The following DNAH6 variants were observed in gnomAD, a reference collection of about 807,000 sequenced individuals.
The protein encoded by DNAH6 is dynein axonemal heavy chain 6, also known as axonemal beta dynein heavy chain 6.
DNAH6 carries 340 observed loss-of-function variants against 491.4 expected under a neutral mutation model. The observed-to-expected ratio is 0.69, with a 90% CI of 0.63 to 0.76. DNAH6 has a LOEUF of 0.76. Among genes scored for constraint, DNAH6 ranks in the 30% least tolerant of loss-of-function variants. The pLI, the probability that DNAH6 is intolerant of heterozygous loss-of-function variation, is 0.00. For synonymous variants in DNAH6, 1,603 were observed against 1,686.1 expected, an observed-to-expected ratio of 0.95 and a Z score of 1.21; for missense variants, 4,443 against 4,972.2, an observed-to-expected ratio of 0.89 and a Z score of 3.20.
intron 34 of DNAH6, 22 bp from the exon 35 acceptor site, chr2:84,654,638 G>A (rs1336533793): frequency 1.2e-5 from 19 of 1,550,080 alleles, no homozygotes; most frequent in East Asian, 2.4e-5. Context: ...GCTGTTTCCT[G>A]TTCAATTTTC....
At chr2:84,638,890 CAA>C (rs1235411216) in intron 31 of DNAH6, among the ~76,000 whole-genome samples, 5 of 152,026 alleles carry the variant, frequency 3.3e-5, no homozygotes, top group African/African-American at 1.2e-4. Flanking sequence ...AAAACAGAAA[CAA>C]GAGAGAAAGA....
intron 64 of DNAH6, among the ~76,000 whole-genome samples, chr2:84,763,859 A>T (rs1674827149): frequency 6.6e-6 from 1 of 152,040 alleles, no homozygotes; most frequent in Admixed American, 6.6e-5. Context: ...GAGCCAGGAG[A>T]GCTGATGGTA....
intron 30 of DNAH6, among the ~76,000 whole-genome samples, chr2:84,635,182 A>G (rs768461996): frequency 4.6e-5 from 7 of 152,186 alleles, no homozygotes; most frequent in Non-Finnish European, 8.8e-5. Flanking sequence ...AGGTGTCCTG[A>G]TAAGAGTTGT....
intron 40 of DNAH6, among the ~76,000 whole-genome samples, chr2:84,673,451 C>T (rs1221444908): frequency 6.6e-6 from 1 of 152,096 alleles, no homozygotes; most frequent in African/African-American, 2.4e-5. Context: ...TGTGTGTGGT[C>T]AGAAAGGTTT....
At chr2:84,677,504 G>A (rs560994063) in intron 41 of DNAH6, among the ~76,000 whole-genome samples, 20 of 152,240 alleles carry the variant, frequency 1.3e-4, no homozygotes, top group African/African-American at 2.6e-4. Context: ...CCAGGTCTGC[G>A]TGTCCACTTG....
chr2:84,652,021 G>A (rs1690499246), intron 33 of DNAH6, among the ~76,000 whole-genome samples: 1 of 151,202 alleles, frequency 6.6e-6, no homozygotes. Context: ...TAAACCTATA[G>A]AACTACTTTA....
chr2:84,796,363 C>G lies in DNAH6; in HGVS notation c.11297C>G (p.Thr3766Ser). Residue 3766 changes from threonine (T) to serine (S), a missense_variant, in exon 69 of 77, where the codon ACT (threonine) becomes AGT (serine). Physicochemically the swap from Thr to Ser is moderately conservative, Grantham distance 58. Transcript: ENST00000389394. ...AGCTGGGACCAAAGATGCCTTCGTA[C>G]TATCTTGAAAAGATTTTTTTCTCCT... ...TDSWDQRCLR[T>S]ILKRFFSPET... The G allele has an allele frequency of 6.6e-7, 1 of 1,523,930 alleles. No homozygotes were observed. Among genetic ancestry groups the G allele is most frequent in the Non-Finnish European group, 8.9e-7 (1 of 1,128,904 alleles). The allele number at this position is 1,523,930 out of a possible 1,614,324, so 94.4% of individuals were successfully genotyped here.
At chr2:84,657,919 C>G (rs1248158989) in intron 35 of DNAH6, among the ~76,000 whole-genome samples, 1 of 152,008 alleles carries the variant, frequency 6.6e-6, no homozygotes, top group East Asian at 1.9e-4. Context: ...TTCTACCTTA[C>G]ATAGATACTA....
At chr2:84,592,875 A>G (rs981936004) in intron 16 of DNAH6, among the ~76,000 whole-genome samples, 7 of 152,316 alleles carry the variant, frequency 4.6e-5, no homozygotes, top group African/African-American at 1.7e-4. Flanking sequence ...AGATATCTAA[A>G]GTAGTCAAAC....
At chr2:84,549,750 G>A in intron 8 of DNAH6, 139 bp from the exon 9 acceptor site, 1 of 636,706 alleles carries the variant, frequency 1.6e-6, no homozygotes, top group Non-Finnish European at 2.6e-6. Flanking sequence ...GTACATTTCT[G>A]ATATTGTAAT....
intron 31 of DNAH6, among the ~76,000 whole-genome samples, chr2:84,640,079 CTCAGT>C (rs1689246540): frequency 6.6e-6 from 1 of 152,156 alleles, no homozygotes; most frequent in African/African-American, 2.4e-5. Flanking sequence ...ATCAGAGAAG[CTCAGT>C]TCTTGCTTTT....
the DNAH6 span, among the ~76,000 whole-genome samples, chr2:84,511,180 A>G: frequency 6.6e-6 from 1 of 152,188 alleles, no homozygotes; most frequent in Non-Finnish European, 1.5e-5. Flanking sequence ...GGTGGAGTCT[A>G]CAGAGGCAGG....
At chr2:84,642,997 T>G (rs981968631) in intron 33 of DNAH6, among the ~76,000 whole-genome samples, 6 of 152,206 alleles carry the variant, frequency 3.9e-5, no homozygotes, top group Non-Finnish European at 8.8e-5. Flanking sequence ...GATCAGAGTT[T>G]CTGACCTATG....
intron 70 of DNAH6, among the ~76,000 whole-genome samples, chr2:84,799,385 G>C (rs559492374): frequency 6.6e-6 from 1 of 152,332 alleles, no homozygotes; most frequent in Non-Finnish European, 1.5e-5. Context: ...CAGTGATCTG[G>C]ACAAAAATGG....
At chr2:84,557,452 C>T (rs1188582460) in intron 10 of DNAH6, among the ~76,000 whole-genome samples, 1 of 151,082 alleles carries the variant, frequency 6.6e-6, no homozygotes, top group Non-Finnish European at 1.5e-5. Context: ...CGAGACCATC[C>T]TGGCTAACAA....
At chr2:84,544,581 T>G (rs1558689264) in intron 5 of DNAH6, 81 bp downstream of exon 5, 1 of 785,770 alleles carries the variant, frequency 1.3e-6, no homozygotes. Context: ...TGGTATAGAC[T>G]GTTCTTGAAA....
chr2:84,491,859 C>A, the DNAH6 span, among the ~76,000 whole-genome samples: 1 of 152,150 alleles, frequency 6.6e-6, no homozygotes. Context: ...CAAAACAGTA[C>A]CCAGGTAAAA....
chr2:84,504,093 A>G, the DNAH6 span, among the ~76,000 whole-genome samples: 3 of 151,258 alleles, frequency 2.0e-5, no homozygotes, highest in Non-Finnish European at 4.4e-5. Context: ...GTTTTTTGTT[A>G]TTTTTTTCTT....
intron 76 of DNAH6, among the ~76,000 whole-genome samples, chr2:84,817,948 C>A (rs1680652138): frequency 6.6e-6 from 1 of 152,194 alleles, no homozygotes. Flanking sequence ...ATCAGCCAAA[C>A]ACCTTCCATT....
Sources: gnomAD v4.1 joint callset for allele counts (sites outside exome capture counted in the v4.1 genomes callset) on GRCh38, gnomAD v4.1.1 for gene constraint, MANE v1.5 for transcripts, NCBI Gene and HGNC (gene_info 2026-07-23, HGNC 2026-07-21) for gene names.